The following MC2R variants were observed in gnomAD, a reference collection of about 807,000 sequenced individuals.
The protein encoded by MC2R is adrenocorticotropic hormone receptor.
Under a neutral mutation model 9.8 loss-of-function variants are expected in MC2R, and 9 were observed. The observed-to-expected ratio is 0.92, with a 90% CI of 0.55 to 1.60. The LOEUF is 1.60. MC2R is among the 40% of genes most tolerant of loss of function. The pLI, the probability that MC2R is intolerant of heterozygous loss-of-function variation, is 0.00. For synonymous variants in MC2R, 185 were observed against 154.7 expected, an observed-to-expected ratio of 1.20 and a Z score of -1.45; for missense variants, 370 against 389.0, an observed-to-expected ratio of 0.95 and a Z score of 0.41.
chr18:13,891,771 C>A (rs757973387), intron 1 of MC2R, among the ~76,000 whole-genome samples: 3 of 129,380 alleles, frequency 2.3e-5, no homozygotes, highest in Non-Finnish European at 3.4e-5. Flanking sequence ...GTCTTGGCCT[C>A]TTACTTGTTT....
At chr18:13,900,483 C>T (rs565653254) in intron 1 of MC2R, among the ~76,000 whole-genome samples, 43 of 152,116 alleles carry the variant, frequency 2.8e-4, no homozygotes, top group African/African-American at 9.6e-4. Context: ...AAAACATGAC[C>T]CATTGATCTG....
chr18:13,883,075 A>C lies in MC2R; in HGVS notation c.*1550T>G. Reference sequence around the variant, plus strand: ...CTGTCCCTGCCACTTCTAATATCAAACCCATCACCAAATGGTCTGTCCTGT... The same window carrying C: ...CTGTCCCTGCCACTTCTAATATCAACCCCATCACCAAATGGTCTGTCCTGT... On this transcript the variant is annotated 3_prime_UTR_variant, in exon 2 of 2. Coordinates refer to ENST00000327606, the MANE Select transcript of MC2R (RefSeq NM_000529.2). 6.6e-6 allele frequency: 1 copy of C among 152,032 alleles called. No homozygotes were observed. Among genetic ancestry groups the C allele is most frequent in the East Asian group, 1.9e-4 (1 of 5,158 alleles). The allele number at this position is 152,032 out of a possible 1,614,324, so 9.4% of individuals were successfully genotyped here.
chr18:13,906,517 C>G (rs1450347411), intron 1 of MC2R, among the ~76,000 whole-genome samples: 1 of 152,006 alleles, frequency 6.6e-6, no homozygotes, highest in Non-Finnish European at 1.5e-5. Flanking sequence ...TGTAACAAAC[C>G]TGCACGTTCT....
At chr18:13,895,462 A>C (rs1403409400) in intron 1 of MC2R, among the ~76,000 whole-genome samples, 1 of 152,176 alleles carries the variant, frequency 6.6e-6, no homozygotes, top group Non-Finnish European at 1.5e-5. Flanking sequence ...TTGCAGGGTC[A>C]GAAGTCTCCA....
In MC2R at chr18:13,899,657, C is replaced by T. The variant is rs1001865858; in HGVS notation, c.-128-14011G>A. Among the ~76,000 whole-genome samples, 5 of 152,240 alleles carry T rather than the reference C, an allele frequency of 3.3e-5. No homozygotes were observed. In the South Asian group the frequency reaches 8.3e-4, roughly 25 times the overall value. On this transcript the variant is annotated intron_variant, in intron 1 of 1. Transcript: ENST00000327606. Reference sequence around the variant, plus strand: ...CAGTGGAGTTTCAATACACCTGGCTCAAACTTTTCAGCAGAAATTTTACAG... The same window carrying T: ...CAGTGGAGTTTCAATACACCTGGCTTAAACTTTTCAGCAGAAATTTTACAG...
intron 1 of MC2R, among the ~76,000 whole-genome samples, chr18:13,891,718 C>T (rs2045316776): frequency 6.6e-6 from 1 of 152,184 alleles, no homozygotes; most frequent in Non-Finnish European, 1.5e-5. Flanking sequence ...TTGGGGCAAT[C>T]ACACTGCCAT....
At chr18:13,910,730 C>T (rs780883566) in intron 1 of MC2R, among the ~76,000 whole-genome samples, 15 of 152,286 alleles carry the variant, frequency 9.8e-5, no homozygotes, top group Non-Finnish European at 2.1e-4. Flanking sequence ...GCTCCAGTTA[C>T]ACTCAGCACT....
chr18:13,888,167 T>C (rs2045289293), intron 1 of MC2R, among the ~76,000 whole-genome samples: 1 of 151,992 alleles, frequency 6.6e-6, no homozygotes, highest in Admixed American at 6.5e-5. Flanking sequence ...AAACAGGTGG[T>C]TTGGGAGCCC....
intron 1 of MC2R, among the ~76,000 whole-genome samples, chr18:13,911,304 T>C (rs2045442949): frequency 6.6e-6 from 1 of 152,168 alleles, no homozygotes; most frequent in South Asian, 2.1e-4. Context: ...CTCCATCAAG[T>C]CCTTGTTTTA....
At chr18:13,889,885 C>T (rs1183786288) in intron 1 of MC2R, among the ~76,000 whole-genome samples, 1 of 152,092 alleles carries the variant, frequency 6.6e-6, no homozygotes, top group Non-Finnish European at 1.5e-5. Flanking sequence ...TGACTCACCC[C>T]TGAGGAGTTG....
intron 1 of MC2R, among the ~76,000 whole-genome samples, chr18:13,908,195 A>G (rs985663643): frequency 1.1e-4 from 16 of 152,366 alleles, no homozygotes; most frequent in South Asian, 6.2e-4. Context: ...TTATTCAACC[A>G]TAAAGAATGA....
At chr18:13,909,152 T>C (rs1316046877) in intron 1 of MC2R, among the ~76,000 whole-genome samples, 1 of 152,182 alleles carries the variant, frequency 6.6e-6, no homozygotes, top group Non-Finnish European at 1.5e-5. Context: ...TCCCTTGCTT[T>C]TGATGACCTT....
At chr18:13,896,365 T>TA (rs1478104487) in intron 1 of MC2R, among the ~76,000 whole-genome samples, 1 of 152,138 alleles carries the variant, frequency 6.6e-6, no homozygotes, top group African/African-American at 2.4e-5. Context: ...AGGAAAAATA[T>TA]AAGAGAATTG....
intron 1 of MC2R, among the ~76,000 whole-genome samples, chr18:13,887,828 T>C (rs1164744759): frequency 6.6e-6 from 1 of 152,142 alleles, no homozygotes; most frequent in Non-Finnish European, 1.5e-5. Context: ...ACACATCATC[T>C]ACTCTCCTGG....
In MC2R at chr18:13,885,288, C is replaced by T. The variant is rs2045268789; in HGVS notation, c.231G>A (p.Lys77=). The T allele has an allele frequency of 6.2e-7, 1 of 1,613,962 alleles. No individual in the cohort carries two copies. Among genetic ancestry groups the T allele is most frequent in the Admixed American group, 1.7e-5 (1 of 59,986 alleles). Residue 77 remains lysine, a synonymous_variant, in exon 2 of 2, where the codon AAG becomes AAA. Coordinates refer to ENST00000327606, the MANE Select transcript of MC2R (RefSeq NM_000529.2). The part of the protein sequence containing the change: ...AISDMLGSLY[K]ILENILIILR... ...ATATGATCAGGATATTTTCCAAGAT[C>T]TTATATAGGCTGCCCAGCATATCAG... is the stretch of plus-strand genomic sequence containing the variant.
chr18:13,892,210 C>T (rs1231196107), intron 1 of MC2R, among the ~76,000 whole-genome samples: 1 of 152,182 alleles, frequency 6.6e-6, no homozygotes, highest in Non-Finnish European at 1.5e-5. Flanking sequence ...AAGGATGTTG[C>T]ATATTCCTCT....
intron 1 of MC2R, among the ~76,000 whole-genome samples, chr18:13,887,649 C>A (rs2045285243): frequency 6.6e-6 from 1 of 152,152 alleles, no homozygotes; most frequent in Non-Finnish European, 1.5e-5. Context: ...TGGGGGAGGG[C>A]CTTGTCCAAT....
Position 13,882,953 on chromosome 18 carries a change from C to T in MC2R, c.*1672G>A, listed in dbSNP as rs994135096. 1.3e-5 allele frequency: 2 copies of T among 152,180 alleles called. No homozygotes were observed. The highest frequency in any genetic ancestry group is 4.8e-5 in the African/African-American group (2 of 41,420). 9.4% of individuals were successfully genotyped at this position (152,180 alleles called of 1,614,324 possible). A position where few individuals can be genotyped will look rare whatever the true frequency, so the allele number is the denominator to read the frequency against. ...ACAGAACAGAGGACAAGAAGGTGCA[C>T]CTTTCACCTCCATCTGTGGGACAGG... On this transcript the variant is annotated 3_prime_UTR_variant, in exon 2 of 2. Coordinates refer to ENST00000327606, the MANE Select transcript of MC2R (RefSeq NM_000529.2).
chr18:13,884,613 G>C lies in MC2R; in HGVS notation c.*12C>G. The C allele has an allele frequency of 6.2e-7, 1 of 1,611,032 alleles. No individual in the cohort carries two copies. Among genetic ancestry groups the C allele is most frequent in the Non-Finnish European group, 8.5e-7 (1 of 1,179,952 alleles). On this transcript the variant is annotated 3_prime_UTR_variant, in exon 2 of 2. Transcript: ENST00000327606. ...TTATTCCCATGGATTCTAAAACCAG[G>C]GATCAGCCATTCTACCAGTACCTGC...
Sources: gnomAD v4.1 joint callset for allele counts (sites outside exome capture counted in the v4.1 genomes callset) on GRCh38, gnomAD v4.1.1 for gene constraint, MANE v1.5 for transcripts, NCBI Gene and HGNC (gene_info 2026-07-23, HGNC 2026-07-21) for gene names.